Variants in AGBL1 observed in about 807,000 individuals in gnomAD.
AGBL1 encodes the protein AGBL carboxypeptidase 1, also known as cytosolic carboxypeptidase 4.
AGBL1 carries 130 observed loss-of-function variants against 118.9 expected under a neutral mutation model. The ratio of observed to expected loss-of-function variants is 1.09; its 90% CI spans 0.95 to 1.26. AGBL1 has a LOEUF of 1.26. Ranked by LOEUF, AGBL1 falls within the 50% of genes most tolerant of loss-of-function variation. The pLI is 0.00. For missense variants in AGBL1, 1,584 were observed against 1,298.1 expected, an observed-to-expected ratio of 1.22 and a Z score of -3.38; for synonymous variants, 555 against 478.9, an observed-to-expected ratio of 1.16 and a Z score of -2.08.
At position 86,112,937 on chromosome 15, in the gene AGBL1, A is replaced by G. The variant is rs139593903; in HGVS notation, c.52-29067A>G. Among the ~76,000 whole-genome samples the G allele has an allele frequency of 4.2e-3, 638 of 152,242 alleles. 2 individuals carry two copies. Among genetic ancestry groups the G allele is most frequent in the African/African-American group, 0.015 (615 of 41,548 alleles). ...TTTCTTTTGGGTAAGGGAAAGTTTT[A>G]CTTTAGGAAAATTCCCCTTAAAACA... On this transcript the variant is annotated intron_variant, in intron 1 of 22. Transcript: ENST00000614907.
chr15:86,391,640 G>T (rs1306146027), intron 17 of AGBL1, among the ~76,000 whole-genome samples: 11 of 73,792 alleles, frequency 1.5e-4, no homozygotes, highest in Admixed American at 4.4e-4. Flanking sequence ...GTTGTTGTTG[G>T]TTTTTTTTTT....
At chr15:86,272,233 TC>T (rs1406946041) in intron 15 of AGBL1, among the ~76,000 whole-genome samples, 1 of 152,216 alleles carries the variant, frequency 6.6e-6, no homozygotes, top group Non-Finnish European at 1.5e-5. Context: ...CCTTGATCAG[TC>T]GCCAGTTTCA....
At chr15:86,628,584 A>C (rs2447277) in intron 21 of AGBL1, among the ~76,000 whole-genome samples, 61,842 of 151,460 alleles carry the variant, frequency 0.41, 13,335 homozygotes, top group Middle Eastern at 0.56. Flanking sequence ...ATCAGGAGGC[A>C]AGGAGATCGA....
chr15:86,472,324 C>A (rs2082489667), intron 18 of AGBL1, among the ~76,000 whole-genome samples: 1 of 152,152 alleles, frequency 6.6e-6, no homozygotes, highest in African/African-American at 2.4e-5. Context: ...AAGGTTCAGG[C>A]ATTTTTACTC....
chr15:86,444,040 A>G (rs1596122481), intron 18 of AGBL1, among the ~76,000 whole-genome samples: 1 of 152,196 alleles, frequency 6.6e-6, no homozygotes, highest in African/African-American at 2.4e-5. Flanking sequence ...ACTGTTTTCC[A>G]TAAAGGTGGT....
intron 22 of AGBL1, among the ~76,000 whole-genome samples, chr15:86,805,551 A>G (rs1009883515): frequency 5.3e-5 from 8 of 152,120 alleles, no homozygotes; most frequent in African/African-American, 1.7e-4. Context: ...AGGGTTAGAA[A>G]CATATCTCAG....
chr15:86,224,355 A>G (rs1053439860), intron 5 of AGBL1, among the ~76,000 whole-genome samples: 5 of 152,168 alleles, frequency 3.3e-5, no homozygotes, highest in African/African-American at 1.2e-4. Context: ...CCTCCATGGC[A>G]GAAAGGAATG....
chr15:86,953,687 G>A (rs1388776698), intron 23 of AGBL1, among the ~76,000 whole-genome samples: 3 of 152,028 alleles, frequency 2.0e-5, no homozygotes, highest in Non-Finnish European at 4.4e-5. Context: ...CACTGTGGCT[G>A]GACAAGGGTT....
chr15:86,404,610 A>T (rs2081496697), intron 18 of AGBL1, among the ~76,000 whole-genome samples: 1 of 152,346 alleles, frequency 6.6e-6, no homozygotes, highest in South Asian at 2.1e-4. Context: ...ATTAGTAAGT[A>T]TGTCATTTTT....
rs146779390 is a variant in AGBL1 at position 86,818,982 on chromosome 15, G to C, written c.3159-88105G>C. Among the ~76,000 whole-genome samples the C allele has an allele frequency of 9.2e-5, 14 of 152,214 alleles. No individual in the cohort carries two copies. The East Asian group carries it at 2.7e-3, about 29-fold the overall frequency. On this transcript the variant is annotated intron_variant, in intron 22 of 22. Transcript: ENST00000614907. ...GCCTTTTAGTGCTCAATAAAGTGAG[G>C]TGAGTTCCTAGTAGTTATAATAGTT...
At chr15:86,600,762 T>G (rs532719064) in intron 21 of AGBL1, among the ~76,000 whole-genome samples, 1 of 152,278 alleles carries the variant, frequency 6.6e-6, no homozygotes, top group East Asian at 1.9e-4. Context: ...AATCTGCTTT[T>G]ATGGCTAAGC....
intron 24 of AGBL1, among the ~76,000 whole-genome samples, chr15:87,014,824 C>A (rs78885478): frequency 6.6e-6 from 1 of 152,096 alleles, no homozygotes; most frequent in African/African-American, 2.4e-5. Context: ...TAGAAGATTG[C>A]TTAAAGAAAC....
At chr15:86,092,616 G>T (rs1361040195) in intron 1 of AGBL1, among the ~76,000 whole-genome samples, 1 of 152,088 alleles carries the variant, frequency 6.6e-6, no homozygotes, top group African/African-American at 2.4e-5. Flanking sequence ...ATTTTGTGCT[G>T]CAGTAACAGA....
intron 22 of AGBL1, among the ~76,000 whole-genome samples, chr15:86,698,228 T>C (rs766885311): frequency 3.9e-5 from 6 of 151,918 alleles, no homozygotes; most frequent in Non-Finnish European, 8.8e-5. Flanking sequence ...TTAGGGTTGG[T>C]CTCCTAGGAC....
chr15:86,622,330 CA>C (rs76582205), intron 21 of AGBL1, among the ~76,000 whole-genome samples: 3,183 of 93,820 alleles, frequency 0.034, 42 homozygotes, highest in East Asian at 0.11. Flanking sequence ...GACTCCATCT[CA>C]AAAAAAAAAA....
intron 19 of AGBL1, among the ~76,000 whole-genome samples, chr15:86,525,102 C>A (rs550705271): frequency 1.3e-5 from 2 of 151,588 alleles, no homozygotes; most frequent in African/African-American, 4.9e-5. Context: ...TGCTGTATAC[C>A]AATAACAACC....
intron 22 of AGBL1, among the ~76,000 whole-genome samples, chr15:86,692,162 A>G (rs1444793156): frequency 6.6e-6 from 1 of 152,024 alleles, no homozygotes; most frequent in Admixed American, 6.6e-5. Flanking sequence ...TGGGTGACAC[A>G]GCAAGACTCC....
chr15:86,178,749 C>G (rs772554786), intron 5 of AGBL1, among the ~76,000 whole-genome samples: 2 of 152,198 alleles, frequency 1.3e-5, no homozygotes, highest in African/African-American at 4.8e-5. Context: ...CAGCGTTACC[C>G]TGATACCAAA....
chr15:86,414,255 A>G (rs987015951), intron 18 of AGBL1, among the ~76,000 whole-genome samples: 1 of 152,190 alleles, frequency 6.6e-6, no homozygotes, highest in Non-Finnish European at 1.5e-5. Context: ...TAGGTATACT[A>G]GAAACCCAGA....
Sources: allele counts gnomAD v4.1 joint callset (sites outside exome capture counted in the v4.1 genomes callset), GRCh38; gene constraint gnomAD v4.1.1; transcripts MANE v1.5; gene names NCBI Gene and HGNC (gene_info 2026-07-23, HGNC 2026-07-21).